Variants in TDRD3 observed in about 807,000 individuals in gnomAD.
TDRD3 encodes the protein tudor domain containing 3.
Under a neutral mutation model 86.7 loss-of-function variants are expected in TDRD3, and 45 were observed. That is an observed-to-expected ratio of 0.52 (90% CI 0.41 to 0.67). The LOEUF (loss-of-function observed/expected upper bound fraction) is 0.67. Among genes scored for constraint, TDRD3 ranks in the 30% least tolerant of loss-of-function variants. The pLI is 0.00. For synonymous variants in TDRD3, 298 were observed against 301.7 expected, an observed-to-expected ratio of 0.99 and a Z score of 0.13; for missense variants, 814 against 889.0, an observed-to-expected ratio of 0.92 and a Z score of 1.07.
chr13:60,453,185 AT>A (rs1303130588), intron 3 of TDRD3, among the ~76,000 whole-genome samples: 1 of 152,216 alleles, frequency 6.6e-6, no homozygotes. Context: ...AATGTATATA[AT>A]AAGCCTTTCA....
intron 5 of TDRD3, among the ~76,000 whole-genome samples, chr13:60,473,939 G>C (rs1032587734): frequency 2.0e-5 from 3 of 152,114 alleles, no homozygotes; most frequent in Non-Finnish European, 4.4e-5. Context: ...TTTCCCTGGG[G>C]GAGTTAGAGA....
intron 12 of TDRD3, among the ~76,000 whole-genome samples, chr13:60,553,240 G>A (rs1958106795): frequency 6.6e-6 from 1 of 152,100 alleles, no homozygotes; most frequent in Admixed American, 6.5e-5. Context: ...GATAAGCCAG[G>A]TCACCTCTTG....
At chr13:60,407,128 G>C (rs1954254564) in intron 1 of TDRD3, among the ~76,000 whole-genome samples, 1 of 152,158 alleles carries the variant, frequency 6.6e-6, no homozygotes, top group African/African-American at 2.4e-5. Context: ...TTTTGAGAGA[G>C]AAATAGGGAC....
intron 11 of TDRD3, among the ~76,000 whole-genome samples, chr13:60,531,506 A>G (rs972046810): frequency 1.3e-5 from 2 of 152,166 alleles, no homozygotes; most frequent in African/African-American, 4.8e-5. Context: ...TGTATTGGAT[A>G]ATGTGGGGTT....
intron 2 of TDRD3, among the ~76,000 whole-genome samples, chr13:60,441,261 A>G (rs1024802665): frequency 6.6e-5 from 10 of 152,056 alleles, no homozygotes; most frequent in African/African-American, 2.4e-4. Context: ...TAGGAAAGAG[A>G]TTTTATGACA....
At chr13:60,466,937 A>T (rs1955949605) in intron 4 of TDRD3, among the ~76,000 whole-genome samples, 1 of 152,170 alleles carries the variant, frequency 6.6e-6, no homozygotes, top group Admixed American at 6.5e-5. Context: ...TATAAGACTG[A>T]ATTCCAGTTT....
chr13:60,478,319 T>TTG lies in TDRD3; in HGVS notation c.496-5456_496-5455insTG, dbSNP rs1566226452. 7.0e-5 allele frequency among the ~76,000 whole-genome samples: 7 copies of TTG among 100,596 alleles called. 1 individual carries two copies. The highest frequency in any genetic ancestry group is 1.0e-4 in the Non-Finnish European group (5 of 49,368). The allele number at this position is 100,596 out of a possible 152,430, so 66.0% of individuals were successfully genotyped here. A position where few individuals can be genotyped will look rare whatever the true frequency, so the allele number is the denominator to read the frequency against. Reference sequence around the variant, plus strand: ...TTTTTTTTTTTTTTTTTTTTTTTTTTGAGACAGAGTCTCACTGTGTCTCCC... The same window carrying TTG: ...TTTTTTTTTTTTTTTTTTTTTTTTTTTGGAGACAGAGTCTCACTGTGTCTCCC... On this transcript the variant is annotated intron_variant, in intron 5 of 13. Transcript: ENST00000377881.
intron 1 of TDRD3, among the ~76,000 whole-genome samples, chr13:60,412,946 A>G (rs1419488221): frequency 1.3e-5 from 2 of 152,140 alleles, no homozygotes; most frequent in Non-Finnish European, 2.9e-5. Flanking sequence ...AAAAGTTGAA[A>G]TACAGGCTCA....
intron 3 of TDRD3, among the ~76,000 whole-genome samples, chr13:60,448,249 C>A (rs1441213513): frequency 6.6e-6 from 1 of 152,062 alleles, no homozygotes; most frequent in African/African-American, 2.4e-5. Context: ...CCAGCTAATC[C>A]TGGACATATT....
Position 60,528,960 on chromosome 13 carries a change from C to T in TDRD3, c.1735C>T (p.Arg579Ter), listed in dbSNP as rs1242102569. 3 of 1,613,838 alleles carry T rather than the reference C, an allele frequency of 1.9e-6. No homozygotes were observed. The highest frequency in any genetic ancestry group is 1.3e-5 in the African/African-American group (1 of 74,992). ...NVNTDYQNPV[R>*]SNSFIGVPNG... ...AAATACTGATTATCAGAATCCAGTT[C>T]GAAGTAATAGTTTCATTGGTGTTCC... The change falls in exon 11 of 14, where the codon CGA (arginine) becomes TGA (stop). Residue 579 changes from arginine to a stop codon, truncating the protein, a stop_gained. Transcript: ENST00000377881. LOFTEE classifies it high-confidence loss of function.
intron 1 of TDRD3, among the ~76,000 whole-genome samples, chr13:60,436,907 A>C (rs1955125027): frequency 2.0e-5 from 3 of 152,164 alleles, no homozygotes; most frequent in South Asian, 4.1e-4. Context: ...TACGATGCAG[A>C]AGGGAACAGC....
At chr13:60,461,117 T>G (rs1222072081) in intron 4 of TDRD3, 1 of 152,190 alleles carries the variant, frequency 6.6e-6, no homozygotes, top group South Asian at 2.1e-4. Context: ...TCAGATACTT[T>G]AGGTCACTCA....
chr13:60,442,914 T>A (rs1955314150), intron 2 of TDRD3, among the ~76,000 whole-genome samples: 1 of 152,014 alleles, frequency 6.6e-6, no homozygotes, highest in Admixed American at 6.6e-5. Flanking sequence ...TGATGGCTCA[T>A]TTTCACTTGA....
At chr13:60,530,669 G>A (rs1957564253) in intron 11 of TDRD3, among the ~76,000 whole-genome samples, 1 of 150,964 alleles carries the variant, frequency 6.6e-6, no homozygotes, top group Non-Finnish European at 1.5e-5. Context: ...TGGCCAGGCT[G>A]GTTTTGAACT....
At chr13:60,539,593 T>A (rs929427543) in intron 12 of TDRD3, among the ~76,000 whole-genome samples, 4 of 151,756 alleles carry the variant, frequency 2.6e-5, no homozygotes, top group South Asian at 2.1e-4. Flanking sequence ...TTATATATAT[T>A]TTCATGTTAG....
chr13:60,512,542 A>T (rs1748206567), intron 10 of TDRD3, among the ~76,000 whole-genome samples: 1 of 152,240 alleles, frequency 6.6e-6, no homozygotes, highest in South Asian at 2.1e-4. Context: ...CTGAAAAATC[A>T]AAAGCAAGTT....
chr13:60,539,881 A>G (rs1021597005), intron 12 of TDRD3, among the ~76,000 whole-genome samples: 3 of 152,094 alleles, frequency 2.0e-5, no homozygotes, highest in African/African-American at 7.2e-5. Flanking sequence ...TAGTAATTTT[A>G]ATGGCATAGT....
chr13:60,547,329 G>A, intron 12 of TDRD3: 1 of 985,344 alleles, frequency 1.0e-6, no homozygotes, highest in Non-Finnish European at 1.2e-6. Flanking sequence ...GCTCTGCTTG[G>A]CCTTTGAGAG....
intron 1 of TDRD3, among the ~76,000 whole-genome samples, chr13:60,413,335 C>T (rs1954411084): frequency 6.6e-6 from 1 of 152,042 alleles, no homozygotes; most frequent in African/African-American, 2.4e-5. Context: ...TATATATCTG[C>T]TTGAGAAGCT....
Sources: allele counts gnomAD v4.1 joint callset (sites outside exome capture counted in the v4.1 genomes callset), GRCh38; gene constraint gnomAD v4.1.1; transcripts MANE v1.5; gene names NCBI Gene and HGNC (gene_info 2026-07-23, HGNC 2026-07-21).